Variants in GPM6A observed in about 807,000 individuals in gnomAD.
The protein encoded by GPM6A is neuronal membrane glycoprotein M6-a.
Under a neutral mutation model 32.1 loss-of-function variants are expected in GPM6A, and 7 were observed. The ratio of observed to expected loss-of-function variants is 0.22; its 90% confidence interval spans 0.12 to 0.41. GPM6A has a LOEUF of 0.41. Ranked by LOEUF, GPM6A falls within the 10% of genes least tolerant of loss-of-function variation. The pLI is 1.00. For synonymous variants in GPM6A, 130 were observed against 123.4 expected, an observed-to-expected ratio of 1.05 and a Z score of -0.35; for missense variants, 235 against 347.2, an observed-to-expected ratio of 0.68 and a Z score of 2.57.
chr4:175,644,951 A>T (rs1188543233), intron 4 of GPM6A, among the ~76,000 whole-genome samples: 1 of 151,822 alleles, frequency 6.6e-6, no homozygotes, highest in African/African-American at 2.4e-5. Flanking sequence ...TACTAAAAAA[A>T]TACAAAAATT....
At chr4:175,766,243 C>T (rs116731298) in intron 1 of GPM6A, among the ~76,000 whole-genome samples, 2,274 of 152,190 alleles carry the variant, frequency 0.015, 35 homozygotes, top group South Asian at 0.026. Context: ...TCATAAAATA[C>T]TAAAATTAGG....
At chr4:175,811,925 C>G (rs113188314) in intron 1 of GPM6A, 11 of 308,210 alleles carry the variant, frequency 3.6e-5, no homozygotes, top group African/African-American at 2.4e-4. Context: ...AAAGACTGGT[C>G]TAAGGAATAG....
rs74733545 is a variant in GPM6A at position 175,767,921 on chromosome 4, C to T, written c.37+44270G>A. On this transcript the variant is annotated intron_variant, in intron 1 of 6. Coordinates refer to ENST00000393658, the MANE Select transcript of GPM6A (RefSeq NM_201591.3). ...TCTTAGATGCCACATATTTCAGATA[C>T]CTACACTGAAAAATCAGGTTGCCTG... Among the ~76,000 whole-genome samples the T allele has an allele frequency of 4.5e-3, 691 of 152,256 alleles. 4 individuals carry two copies. Among genetic ancestry groups the T allele is most frequent in the African/African-American group, 0.015 (630 of 41,538 alleles).
rs533243302 is a variant in GPM6A, at chr4:175,640,113, C to A, written c.684+16G>T. ...ATTCACATTGAAAACCAAGCACCAG[C>A]GCTTTGAGGTCTTACCATAGCAATG... On this transcript the variant is annotated intron_variant, in intron 6 of 6. Transcript: ENST00000393658. 1.0e-5 allele frequency: 16 copies of A among 1,595,348 alleles called. No homozygotes were observed. The highest frequency in any genetic ancestry group is 3.3e-4 in the Middle Eastern group (2 of 6,050).
At chr4:175,874,179 G>A (rs949211958) in intron 1 of GPM6A, among the ~76,000 whole-genome samples, 2 of 152,120 alleles carry the variant, frequency 1.3e-5, no homozygotes, top group African/African-American at 2.4e-5. Context: ...TTCATGTTCC[G>A]CAGGTCAATA....
chr4:175,698,938 T>C (rs1330777213), intron 2 of GPM6A, among the ~76,000 whole-genome samples: 1 of 152,214 alleles, frequency 6.6e-6, no homozygotes, highest in African/African-American at 2.4e-5. Flanking sequence ...TATGAAAGTT[T>C]GTTGTTTAAA....
intron 1 of GPM6A, among the ~76,000 whole-genome samples, chr4:175,731,834 C>T (rs1468838075): frequency 2.0e-5 from 3 of 152,158 alleles, no homozygotes; most frequent in East Asian, 3.9e-4. Context: ...GCTCCAGCCC[C>T]GCTAGCCTTG....
At chr4:175,799,835 C>G (rs1179118333) in intron 1 of GPM6A, among the ~76,000 whole-genome samples, 1 of 151,150 alleles carries the variant, frequency 6.6e-6, no homozygotes, top group Non-Finnish European at 1.5e-5. Flanking sequence ...CCACCGCGCC[C>G]GGCTAATTTT....
chr4:175,840,756 T>A (rs1357062824), intron 1 of GPM6A, among the ~76,000 whole-genome samples: 2 of 152,108 alleles, frequency 1.3e-5, no homozygotes, highest in African/African-American at 4.8e-5. Flanking sequence ...GAGAAAAGTG[T>A]TAATGATAAT....
intron 1 of GPM6A, among the ~76,000 whole-genome samples, chr4:175,881,216 T>C (rs1186483155): frequency 6.6e-6 from 1 of 152,146 alleles, no homozygotes; most frequent in Admixed American, 6.5e-5. Flanking sequence ...AAGAAGACAT[T>C]AATGCAGCCA....
intron 1 of GPM6A, among the ~76,000 whole-genome samples, chr4:175,820,756 C>T (rs1735255006): frequency 1.3e-5 from 2 of 152,050 alleles, no homozygotes; most frequent in South Asian, 4.1e-4. Context: ...ACCTCAGCCT[C>T]CCAAAGTGCT....
chr4:175,770,841 G>T (rs1310619750), intron 1 of GPM6A, among the ~76,000 whole-genome samples: 1 of 151,992 alleles, frequency 6.6e-6, no homozygotes, highest in Non-Finnish European at 1.5e-5. Context: ...CTCTACACAG[G>T]CTTCCCAGAA....
At chr4:175,670,656 C>T (rs1743004802) in intron 3 of GPM6A, among the ~76,000 whole-genome samples, 1 of 152,074 alleles carries the variant, frequency 6.6e-6, no homozygotes, top group South Asian at 2.1e-4. Flanking sequence ...TTTTCACCCT[C>T]AAAATTTAAT....
chr4:175,856,188 AAGAC>A (rs368858207), intron 1 of GPM6A, among the ~76,000 whole-genome samples: 345 of 152,388 alleles, frequency 2.3e-3, no homozygotes, highest in African/African-American at 7.9e-3. Flanking sequence ...GTAAAAAACT[AAGAC>A]AGTCAGAGTA....
chr4:175,865,309 T>C (rs145308375), intron 1 of GPM6A, among the ~76,000 whole-genome samples: 1 of 152,220 alleles, frequency 6.6e-6, no homozygotes, highest in African/African-American at 2.4e-5. Flanking sequence ...ATTCTAACAT[T>C]ATGGCAATAC....
At chr4:175,892,898 T>G (rs546993273) in intron 1 of GPM6A, among the ~76,000 whole-genome samples, 3 of 152,338 alleles carry the variant, frequency 2.0e-5, no homozygotes, top group South Asian at 2.1e-4. Flanking sequence ...ACTGTGTTTT[T>G]GGGTGCTTGG....
At chr4:175,663,377 G>A (rs73875115) in intron 3 of GPM6A, among the ~76,000 whole-genome samples, 4,280 of 152,258 alleles carry the variant, frequency 0.028, 78 homozygotes, top group Non-Finnish European at 0.038. Flanking sequence ...AAGTGAGCTG[G>A]AGGTGATGGG....
At chr4:175,729,038 T>C (rs1172902161) in intron 1 of GPM6A, among the ~76,000 whole-genome samples, 1 of 152,176 alleles carries the variant, frequency 6.6e-6, no homozygotes, top group East Asian at 1.9e-4. Flanking sequence ...ACATGGCTTG[T>C]AATGTGTGCT....
intron 1 of GPM6A, among the ~76,000 whole-genome samples, chr4:175,822,999 C>G (rs1398139893): frequency 6.6e-6 from 1 of 152,198 alleles, no homozygotes; most frequent in Non-Finnish European, 1.5e-5. Flanking sequence ...TTACCACTAA[C>G]TGCAGCTAAA....
Sources: allele counts gnomAD v4.1 joint callset (sites outside exome capture counted in the v4.1 genomes callset), GRCh38; gene constraint gnomAD v4.1.1; transcripts MANE v1.5; gene names NCBI Gene and HGNC (gene_info 2026-07-23, HGNC 2026-07-21).